The following TEX10 variants were observed in gnomAD, a reference collection of about 807,000 sequenced individuals.
The protein encoded by TEX10 is testis expressed 10.
In TEX10, 24 loss-of-function variants were observed where a neutral mutation model predicts 104.4. That is an observed-to-expected ratio of 0.23 (90% CI 0.17 to 0.32). TEX10 has a LOEUF of 0.32. Ranked by LOEUF, TEX10 falls within the 10% of genes least tolerant of loss-of-function variation. The probability of loss-of-function intolerance (pLI) is 1.00; values close to 1 mark genes in which losing one functional copy is unlikely to be tolerated. For synonymous variants in TEX10, 396 were observed against 393.4 expected (o/e 1.01, Z -0.08); for missense variants, 921 against 1,083.9 (o/e 0.85, Z 2.11).
At position 100,347,067 on chromosome 9, in the gene TEX10, G is replaced by A; in HGVS notation, c.520C>T (p.Leu174=). ...LDILLEQYPA[L]ITGRSSILLK... is the part of the protein sequence containing the mutation. ...AATATGCTGCTACGGCCAGTAATTAGAGCTGGGTACTGTTCCAGCAGAATG... is the reference window on the plus strand; with the variant it reads ...AATATGCTGCTACGGCCAGTAATTAAAGCTGGGTACTGTTCCAGCAGAATG... Residue 174 remains leucine (L), a synonymous_variant, in exon 3 of 15, where the codon CTA becomes TTA. Transcript: ENST00000374902. 1 of 1,614,160 alleles carries A rather than the reference G, an allele frequency of 6.2e-7. No individual in the cohort carries two copies. The highest frequency in any genetic ancestry group is 8.5e-7 in the Non-Finnish European group (1 of 1,180,026).
intron 5 of TEX10, among the ~76,000 whole-genome samples, chr9:100,330,688 C>G (rs574163265): frequency 6.6e-6 from 1 of 152,326 alleles, no homozygotes; most frequent in Non-Finnish European, 1.5e-5. Flanking sequence ...TTTATTCACT[C>G]TAGCCAAACA....
chr9:100,331,557 A>T (rs747023562), intron 5 of TEX10, among the ~76,000 whole-genome samples: 30 of 152,268 alleles, frequency 2.0e-4, no homozygotes, highest in Non-Finnish European at 1.0e-4. Flanking sequence ...GTGAGGAACC[A>T]CAAATACATG....
intron 5 of TEX10, among the ~76,000 whole-genome samples, chr9:100,335,550 C>T (rs1475302095): frequency 3.9e-5 from 6 of 152,052 alleles, no homozygotes; most frequent in Admixed American, 3.9e-4. Context: ...TATTCAGGAC[C>T]TTCTTAAGTG....
At chr9:100,339,318 T>TA (rs1835107696) in intron 5 of TEX10, among the ~76,000 whole-genome samples, 2 of 140,096 alleles carry the variant, frequency 1.4e-5, no homozygotes, top group Admixed American at 7.4e-5. Flanking sequence ...TATTTGTTTT[T>TA]TATATATATT....
rs1053193747 is a variant in TEX10, at chr9:100,352,831, C to G, written c.-69G>C. The G allele has an allele frequency of 9.6e-7, 1 of 1,036,420 alleles. No homozygotes were observed. Among genetic ancestry groups the G allele is most frequent in the African/African-American group, 1.7e-5 (1 of 58,294 alleles). 64.2% of individuals were successfully genotyped at this position (1,036,420 alleles called of 1,614,324 possible). A position where few individuals can be genotyped will look rare whatever the true frequency, so the allele number is the denominator to read the frequency against. ...GAGAAGACAAGCGAGGGAGCAGAAG[C>G]CCACGGGGCAACAGCGTGCGCCGCC... On this transcript the variant is annotated 5_prime_UTR_variant, in exon 1 of 15. Transcript: ENST00000374902.
At chr9:100,349,056 A>T (rs1835373789) in intron 2 of TEX10, 128 bp downstream of exon 2, 1 of 661,012 alleles carries the variant, frequency 1.5e-6, no homozygotes, top group South Asian at 6.8e-5. Context: ...AACTCCAAAC[A>T]TCAATAAACC....
intron 1 of TEX10, chr9:100,352,431 G>C: frequency 1.3e-6 from 2 of 1,551,744 alleles, no homozygotes; most frequent in Non-Finnish European, 1.7e-6. Context: ...TGGGTTTTAG[G>C]AAACCATCGT....
At chr9:100,307,744 C>T (rs1834178126) in intron 13 of TEX10, 2 of 151,866 alleles carry the variant, frequency 1.3e-5, no homozygotes, top group East Asian at 1.9e-4. Flanking sequence ...TATATCCGAA[C>T]CTGGGGTTGG....
chr9:100,352,648 C>A (rs1835490571), intron 1 of TEX10, 124 bp downstream of exon 1: 3 of 1,434,640 alleles, frequency 2.1e-6, no homozygotes, highest in Non-Finnish European at 2.7e-6. Flanking sequence ...GGCCCAGACC[C>A]GGGGGACGCA....
intron 2 of TEX10, 43 bp from the exon 3 acceptor site, chr9:100,347,449 T>G (rs746732227): frequency 5.6e-5 from 81 of 1,452,124 alleles, no homozygotes; most frequent in Non-Finnish European, 7.3e-5. Flanking sequence ...CTTATATACA[T>G]GTATCAATTT....
At chr9:100,324,323 T>C (rs1337107808) in intron 9 of TEX10, among the ~76,000 whole-genome samples, 2 of 152,146 alleles carry the variant, frequency 1.3e-5, no homozygotes, top group Non-Finnish European at 2.9e-5. Context: ...TATGAGCCAC[T>C]GCGCCTGGCT....
chr9:100,316,063 C>T (rs1338342309), intron 11 of TEX10, among the ~76,000 whole-genome samples: 1 of 152,162 alleles, frequency 6.6e-6, no homozygotes, highest in Non-Finnish European at 1.5e-5. Context: ...TTACATAAGT[C>T]CCAAATGTCC....
chr9:100,352,581 G>A (rs1835484229), intron 1 of TEX10, 191 bp downstream of exon 1: 5 of 1,518,996 alleles, frequency 3.3e-6, no homozygotes, highest in Middle Eastern at 1.8e-4. Context: ...ACGCCCTAGG[G>A]GGTCCCGCCC....
chr9:100,329,564 CAAAG>C (rs1387079213), intron 6 of TEX10, among the ~76,000 whole-genome samples: 1 of 152,000 alleles, frequency 6.6e-6, no homozygotes, highest in Non-Finnish European at 1.5e-5. Flanking sequence ...GTTTTAAAAT[CAAAG>C]AATTAGTAAG....
At chr9:100,351,003 T>C (rs1291828762) in intron 1 of TEX10, among the ~76,000 whole-genome samples, 1 of 152,112 alleles carries the variant, frequency 6.6e-6, no homozygotes, top group Non-Finnish European at 1.5e-5. Flanking sequence ...GCCTGGTACA[T>C]GGTTAAATAC....
chr9:100,321,891 A>G, intron 9 of TEX10, 120 bp from the exon 10 acceptor site: 1 of 654,548 alleles, frequency 1.5e-6, no homozygotes, highest in Non-Finnish European at 2.6e-6. Flanking sequence ...GTAGCTTAAA[A>G]TAAAACCCAT....
intron 11 of TEX10, among the ~76,000 whole-genome samples, chr9:100,313,067 T>G (rs546890246): frequency 6.6e-6 from 1 of 152,308 alleles, no homozygotes; most frequent in African/African-American, 2.4e-5. Flanking sequence ...GGTTGTAACT[T>G]GAACCTAGAG....
chr9:100,342,785 ACTAATACAGTACC>A (rs1835205357), intron 4 of TEX10, among the ~76,000 whole-genome samples: 1 of 152,210 alleles, frequency 6.6e-6, no homozygotes, highest in African/African-American at 2.4e-5. Flanking sequence ...CCCTGACACT[ACTAATACAGTACC>A]CTAAAAACCA....
chr9:100,304,389 A>G (rs979362518), intron 13 of TEX10: 1 of 155,826 alleles, frequency 6.4e-6, no homozygotes, highest in South Asian at 1.9e-4. Context: ...AGATAAACCA[A>G]TGGAACAGAA....
Sources: allele counts gnomAD v4.1 joint callset (sites outside exome capture counted in the v4.1 genomes callset), GRCh38; gene constraint gnomAD v4.1.1; transcripts MANE v1.5; gene names NCBI Gene and HGNC (gene_info 2026-07-23, HGNC 2026-07-21).